Variants in STAC observed in about 807,000 individuals in gnomAD.
STAC encodes the protein SH3 and cysteine rich domain, also known as SH3 and cysteine-rich domain-containing protein.
A neutral mutation model predicts 48.8 loss-of-function variants in STAC; 43 were observed. The observed-to-expected ratio is 0.88, with a 90% confidence interval of 0.69 to 1.14. The LOEUF (loss-of-function observed/expected upper bound fraction) is 1.14, where lower values mean the gene tolerates loss of function less well. STAC is among the 50% of genes most tolerant of loss of function. STAC has a pLI of 0.00. For missense variants in STAC, 497 were observed against 504.0 expected, an observed-to-expected ratio of 0.99 and a Z score of 0.13; for synonymous variants, 193 against 179.5, an observed-to-expected ratio of 1.07 and a Z score of -0.60.
intron 1 of STAC, among the ~76,000 whole-genome samples, chr3:36,394,476 C>A (rs1443221687): frequency 6.6e-6 from 1 of 152,144 alleles, no homozygotes; most frequent in Non-Finnish European, 1.5e-5. Context: ...TCACATTTTA[C>A]AAAGATTACT....
intron 8 of STAC, among the ~76,000 whole-genome samples, chr3:36,526,172 A>G (rs561701476): frequency 6.6e-6 from 1 of 152,218 alleles, no homozygotes; most frequent in South Asian, 2.1e-4. Context: ...ATTTAAAGAG[A>G]CCCGGAATGC....
rs371122207 is a variant in STAC at position 36,450,751 on chromosome 3, C to T, written c.388+7111C>T. 8.5e-5 allele frequency among the ~76,000 whole-genome samples: 13 copies of T among 152,284 alleles called. No individual in the cohort carries two copies. In the South Asian group the frequency reaches 2.7e-3, roughly 32 times the overall value. On this transcript the variant is annotated intron_variant, in intron 2 of 10. Coordinates refer to ENST00000273183, the MANE Select transcript of STAC (RefSeq NM_003149.3). ...TGTTGGCCAGGCTGGTTTCAAACTCCCAAATTCGGGTGATCCACCTACCTC... is the reference window on the plus strand; with the variant it reads ...TGTTGGCCAGGCTGGTTTCAAACTCTCAAATTCGGGTGATCCACCTACCTC...
intron 2 of STAC, among the ~76,000 whole-genome samples, chr3:36,460,625 A>C (rs1696989919): frequency 6.6e-6 from 1 of 151,196 alleles, no homozygotes; most frequent in African/African-American, 2.4e-5. Context: ...AACTATGCAC[A>C]GGGCAGCCCT....
intron 2 of STAC, among the ~76,000 whole-genome samples, chr3:36,474,874 TCA>T (rs1697448585): frequency 6.6e-6 from 1 of 152,204 alleles, no homozygotes; most frequent in African/African-American, 2.4e-5. Context: ...GCATAAGAGT[TCA>T]ATCATTTTTA....
intron 8 of STAC, among the ~76,000 whole-genome samples, chr3:36,515,039 AAATAATAATAAT>A (rs142944670): frequency 6.8e-6 from 1 of 147,800 alleles, no homozygotes; most frequent in East Asian, 2.0e-4. Flanking sequence ...CTCTGTCTCC[AAATAATAATAAT>A]AATAATAATA....
At chr3:36,473,219 A>T (rs547015418) in intron 2 of STAC, among the ~76,000 whole-genome samples, 3 of 152,112 alleles carry the variant, frequency 2.0e-5, no homozygotes. Context: ...GCATGATTCA[A>T]TTACCTCCCC....
At chr3:36,465,046 T>C (rs1697131428) in intron 2 of STAC, among the ~76,000 whole-genome samples, 1 of 152,184 alleles carries the variant, frequency 6.6e-6, no homozygotes. Flanking sequence ...TCCACAGTTT[T>C]CCATAGTGTT....
chr3:36,423,595 G>C (rs1282801798), intron 1 of STAC, among the ~76,000 whole-genome samples: 1 of 152,094 alleles, frequency 6.6e-6, no homozygotes, highest in East Asian at 1.9e-4. Context: ...AACAGTGCTG[G>C]AAGAAGAAAC....
chr3:36,398,366 A>AGAAAGAAG (rs1559477045), intron 1 of STAC, among the ~76,000 whole-genome samples: 1 of 142,782 alleles, frequency 7.0e-6, no homozygotes, highest in Non-Finnish European at 1.6e-5. Context: ...AAAGAAAGAA[A>AGAAAGAAG]GAAAAGAAAG....
intron 6 of STAC, among the ~76,000 whole-genome samples, chr3:36,497,481 A>G (rs776971484): frequency 1.3e-5 from 2 of 152,232 alleles, no homozygotes; most frequent in Non-Finnish European, 2.9e-5. Context: ...AGGATTTACT[A>G]TGCACATCCC....
chr3:36,456,786 G>A (rs1696867943), intron 2 of STAC, among the ~76,000 whole-genome samples: 2 of 152,160 alleles, frequency 1.3e-5, no homozygotes, highest in Non-Finnish European at 2.9e-5. Context: ...TGACCACAGT[G>A]TCAGTGCTAC....
chr3:36,418,974 G>A (rs1700383067), intron 1 of STAC, among the ~76,000 whole-genome samples: 1 of 150,656 alleles, frequency 6.6e-6, no homozygotes, highest in African/African-American at 2.4e-5. Context: ...TTGAACCTGA[G>A]AGGCGGAGGT....
intron 4 of STAC, 103 bp from the exon 5 acceptor site, chr3:36,486,031 C>G: frequency 2.4e-6 from 2 of 846,702 alleles, no homozygotes; most frequent in Non-Finnish European, 3.8e-6. Flanking sequence ...TTCCTCTGCA[C>G]AGAGCCTGCT....
intron 1 of STAC, among the ~76,000 whole-genome samples, chr3:36,442,749 C>T (rs1696384886): frequency 9.7e-5 from 1 of 10,272 alleles, no homozygotes; most frequent in Non-Finnish European, 2.5e-4. Context: ...TACACACACA[C>T]ACACACACAC....
At chr3:36,531,455 A>G (rs1305671424) in intron 10 of STAC, among the ~76,000 whole-genome samples, 1 of 152,194 alleles carries the variant, frequency 6.6e-6, no homozygotes, top group Non-Finnish European at 1.5e-5. Flanking sequence ...CCGAACCCAG[A>G]TCCCAGTCAC....
chr3:36,415,846 C>T lies in STAC; in HGVS notation c.112-27518C>T, dbSNP rs149029233. Among the ~76,000 whole-genome samples the T allele has an allele frequency of 1.8e-3, 279 of 152,334 alleles. 2 individuals are homozygous for T. The highest frequency in any genetic ancestry group is 6.3e-3 in the African/African-American group (262 of 41,566). ...TTGTCCTAAACCATTCTGATATTCACAAAATTCTACATGCACTCACCCATC... is the reference window on the plus strand; with the variant it reads ...TTGTCCTAAACCATTCTGATATTCATAAAATTCTACATGCACTCACCCATC... On this transcript the variant is annotated intron_variant, in intron 1 of 10. Transcript: ENST00000273183.
At chr3:36,519,827 A>G (rs980130744) in intron 8 of STAC, among the ~76,000 whole-genome samples, 40 of 152,230 alleles carry the variant, frequency 2.6e-4, no homozygotes, top group African/African-American at 9.6e-4. Context: ...AATATATCAC[A>G]TATACATAGG....
At chr3:36,455,230 C>A (rs978385055) in intron 2 of STAC, among the ~76,000 whole-genome samples, 14 of 152,100 alleles carry the variant, frequency 9.2e-5, no homozygotes, top group Non-Finnish European at 1.5e-4. Context: ...TATATTTTAT[C>A]CCTGTTCCAT....
At chr3:36,392,250 T>C (rs1427040535) in intron 1 of STAC, among the ~76,000 whole-genome samples, 1 of 152,190 alleles carries the variant, frequency 6.6e-6, no homozygotes, top group Non-Finnish European at 1.5e-5. Context: ...TCCACTCTAC[T>C]CTCTAGAATT....
Sources: gnomAD v4.1 joint callset for allele counts (sites outside exome capture counted in the v4.1 genomes callset) on GRCh38, gnomAD v4.1.1 for gene constraint, MANE v1.5 for transcripts, NCBI Gene and HGNC (gene_info 2026-07-23, HGNC 2026-07-21) for gene names.